Variants in ARHGAP27 observed in about 807,000 individuals in gnomAD.
ARHGAP27 encodes Rho GTPase activating protein 27.
Under a neutral mutation model 102.0 loss-of-function variants are expected in ARHGAP27, and 53 were observed. The ratio of observed to expected loss-of-function variants is 0.52; its 90% CI spans 0.42 to 0.65. The LOEUF (loss-of-function observed/expected upper bound fraction) is 0.65. Among genes scored for constraint, ARHGAP27 ranks in the 30% least tolerant of loss-of-function variants. The pLI is 0.00. For missense variants in ARHGAP27, 1,117 were observed against 1,256.2 expected (o/e 0.89, Z 1.68); for synonymous variants, 525 against 542.8 (o/e 0.97, Z 0.46).
intron 4 of ARHGAP27, among the ~76,000 whole-genome samples, chr17:45,426,137 C>A (rs1312951480): frequency 2.0e-5 from 3 of 152,130 alleles, no homozygotes; most frequent in Non-Finnish European, 2.9e-5. Flanking sequence ...ACTGAACCTG[C>A]TGGCCAGGGT....
chr17:45,428,241 C>T (rs536359439), intron 4 of ARHGAP27, among the ~76,000 whole-genome samples: 3 of 152,248 alleles, frequency 2.0e-5, no homozygotes, highest in Non-Finnish European at 4.4e-5. Context: ...CACAAGGCGG[C>T]GGGCTACCGC....
intron 4 of ARHGAP27, among the ~76,000 whole-genome samples, chr17:45,417,615 A>T (rs2048597719): frequency 1.3e-5 from 2 of 152,020 alleles, no homozygotes; most frequent in African/African-American, 4.8e-5. Context: ...AAAAATACAA[A>T]AATTAGCCAG....
intron 2 of ARHGAP27, among the ~76,000 whole-genome samples, chr17:45,431,996 C>T (rs1261076360): frequency 6.6e-6 from 1 of 150,720 alleles, no homozygotes; most frequent in Non-Finnish European, 1.5e-5. Context: ...CCGCCTTCCC[C>T]CTCTATTCCC....
chr17:45,395,365 G>A lies in ARHGAP27; in HGVS notation c.*91C>T. 6.9e-7 allele frequency: 1 copy of A among 1,440,944 alleles called. No individual in the cohort carries two copies. The highest frequency in any genetic ancestry group is 1.4e-5 in the South Asian group (1 of 72,914). 89.3% of individuals were successfully genotyped at this position (1,440,944 alleles called of 1,614,324 possible). On this transcript the variant is annotated 3_prime_UTR_variant, in exon 20 of 20. Coordinates refer to ENST00000685559, the MANE Select transcript of ARHGAP27 (RefSeq NM_001282290.2). ...GCCTGCGGCTATGCGCTGGCGGAGG[G>A]TCCCAGAGAGAAGAAGGCCCGGCTG... is the stretch of plus-strand genomic sequence containing the variant.
intron 12 of ARHGAP27, chr17:45,401,744 T>A (rs1276640550): frequency 6.6e-6 from 1 of 152,190 alleles, no homozygotes; most frequent in East Asian, 1.9e-4. Context: ...GGTTTTATTA[T>A]TTGTTCAACA....
Position 45,403,507 on chromosome 17 carries a change from C to T in ARHGAP27, c.1638+112G>A. ...GAGAGGTTGCAGTGAGCCGAGATTA[C>T]ACCACTACACTCCAGCCTGGGTGAC... On this transcript the variant is annotated intron_variant, in intron 11 of 19. Coordinates refer to ENST00000685559, the MANE Select transcript of ARHGAP27 (RefSeq NM_001282290.2). The T allele has an allele frequency of 1.1e-5, 10 of 894,430 alleles. No homozygotes were observed. The South Asian group carries it at 1.5e-4, about 13-fold the overall frequency. The allele number at this position is 894,430 out of a possible 1,614,324, so 55.4% of individuals were successfully genotyped here.
intron 4 of ARHGAP27, chr17:45,410,383 A>C: frequency 7.3e-7 from 1 of 1,363,310 alleles, no homozygotes; most frequent in Non-Finnish European, 9.4e-7. Context: ...GGCAACAGGG[A>C]AACAAGAAGT....
At chr17:45,432,168 C>A in intron 2 of ARHGAP27, 48 bp downstream of exon 2, 1 of 186,220 alleles carries the variant, frequency 5.4e-6, no homozygotes. Flanking sequence ...GCGAGCCCTT[C>A]CAACCGGATT....
intron 4 of ARHGAP27, among the ~76,000 whole-genome samples, chr17:45,419,071 G>C (rs1193764044): frequency 6.6e-6 from 1 of 151,590 alleles, no homozygotes; most frequent in African/African-American, 2.4e-5. Flanking sequence ...CAGCTCAGCA[G>C]GGGGAACAGA....
intron 4 of ARHGAP27, among the ~76,000 whole-genome samples, chr17:45,407,157 A>G (rs2047280103): frequency 1.3e-5 from 2 of 151,976 alleles, no homozygotes; most frequent in South Asian, 2.1e-4. Flanking sequence ...TGCTTCCACT[A>G]TTATTTCCTG....
At position 45,396,574 on chromosome 17, in the gene ARHGAP27, C is replaced by T. The variant is rs778083025; in HGVS notation, c.2086G>A (p.Gly696Ser). 21 of 1,606,190 alleles carry T rather than the reference C, an allele frequency of 1.3e-5. No homozygotes were observed. The highest frequency in any genetic ancestry group is 2.2e-5 in the East Asian group (1 of 44,796). ...EKGYIKDQVF[G>S]CALAALCERE... ...TCACACAGCGCGGCCAGCGCGCAGC[C>T]GAACACCTGGTCTAGGGCAGAGGCT... The change falls in exon 16 of 20, where the codon GGC becomes AGC. Residue 696 changes from glycine to serine, a missense_variant. Gly to Ser is a moderately conservative substitution (Grantham distance 56). Around this residue, in one of 3 missense-constraint regions of ARHGAP27, gnomAD observed 493 missense variants for 505.5 expected, o/e 0.98. Coordinates refer to ENST00000685559, the MANE Select transcript of ARHGAP27 (RefSeq NM_001282290.2).
chr17:45,426,883 G>A (rs1277521595), intron 4 of ARHGAP27, among the ~76,000 whole-genome samples: 3 of 152,022 alleles, frequency 2.0e-5, no homozygotes, highest in African/African-American at 4.8e-5. Flanking sequence ...AGTGTTATAC[G>A]GCCTTTCTCT....
In ARHGAP27 at chr17:45,396,761, C is replaced by T; in HGVS notation, c.1981G>A (p.Glu661Lys). Reference protein sequence around the residue: ...AAPALGPVGLESDLSKVRHKL... With the variant: ...AAPALGPVGLKSDLSKVRHKL... ...TGCCGGACCTTGCTCAAGTCGCTCT[C>T]CAGGCCCACGGGGCCCAGGGCGGGC... is the stretch of plus-strand genomic sequence containing the variant. The change falls in exon 15 of 20, where the codon GAG becomes AAG. Residue 661 changes from glutamate to lysine, a missense_variant. Glu to Lys is a moderately conservative substitution (Grantham distance 56, BLOSUM62 1). Around this residue, in one of 3 missense-constraint regions of ARHGAP27, gnomAD observed 493 missense variants for 505.5 expected, o/e 0.98. Coordinates refer to ENST00000685559, the MANE Select transcript of ARHGAP27 (RefSeq NM_001282290.2). The T allele has an allele frequency of 6.2e-7, 1 of 1,613,446 alleles. No homozygotes were observed. The highest frequency in any genetic ancestry group is 8.5e-7 in the Non-Finnish European group (1 of 1,179,656).
intron 4 of ARHGAP27, among the ~76,000 whole-genome samples, chr17:45,426,225 A>T (rs2049581889): frequency 6.6e-6 from 1 of 151,954 alleles, no homozygotes; most frequent in African/African-American, 2.4e-5. Flanking sequence ...CGTGTCACTA[A>T]ACCTCTCTGA....
chr17:45,410,288 T>C (rs2047755938), intron 4 of ARHGAP27: 1 of 1,529,114 alleles, frequency 6.5e-7, no homozygotes, highest in Non-Finnish European at 8.7e-7. Context: ...ATGTCCACCA[T>C]CCTGGCCCCT....
intron 4 of ARHGAP27, chr17:45,410,229 T>A (rs983242331): frequency 4.6e-6 from 7 of 1,533,724 alleles, no homozygotes; most frequent in Non-Finnish European, 6.1e-6. Context: ...CAGCATCCCC[T>A]ACCTGTGCCG....
Position 45,403,613 on chromosome 17 carries a change from C to T in ARHGAP27, c.1638+6G>A. 3 of 1,611,564 alleles carry T rather than the reference C, an allele frequency of 1.9e-6. No homozygotes were observed. Among genetic ancestry groups the T allele is most frequent in the Non-Finnish European group, 2.5e-6 (3 of 1,178,440 alleles). On this transcript the variant is annotated splice_donor_region_variant and intron_variant, in intron 11 of 19. Coordinates refer to ENST00000685559, the MANE Select transcript of ARHGAP27 (RefSeq NM_001282290.2). ...GATGGTCCCTGCCCTGAGGGCCTGG[C>T]CTTACCAGGCCGCCTGCAGCCGAGG...
At chr17:45,397,125 T>G (rs1218222080) in intron 13 of ARHGAP27, 101 bp from the exon 14 acceptor site, 1 of 1,528,046 alleles carries the variant, frequency 6.5e-7, no homozygotes, top group Non-Finnish European at 8.7e-7. Context: ...AGGCATGGCC[T>G]GGAGACCCTC....
chr17:45,420,760 C>A (rs913112231), intron 4 of ARHGAP27, among the ~76,000 whole-genome samples: 3 of 151,114 alleles, frequency 2.0e-5, no homozygotes, highest in African/African-American at 7.3e-5. Flanking sequence ...TGAGACCATC[C>A]TGGCTAACAC....
Sources: allele counts gnomAD v4.1 joint callset (sites outside exome capture counted in the v4.1 genomes callset), GRCh38; gene constraint gnomAD v4.1.1; regional missense constraint gnomAD v4.1.1; transcripts MANE v1.5; gene names NCBI Gene and HGNC (gene_info 2026-07-23, HGNC 2026-07-21).